The following DACH1 variants were observed in gnomAD, a reference collection of about 807,000 sequenced individuals.
The protein encoded by DACH1 is dachshund homolog 1.
In DACH1, 12 loss-of-function variants were observed where a neutral mutation model predicts 54.2. That is an observed-to-expected ratio of 0.22 (90% confidence interval 0.14 to 0.36). The LOEUF (loss-of-function observed/expected upper bound fraction) is 0.36. DACH1 is among the 10% of genes least tolerant of loss of function. The pLI is 1.00. For missense variants in DACH1, 805 were observed against 929.8 expected (o/e 0.87, Z 1.75); for synonymous variants, 386 against 366.2 (o/e 1.05, Z -0.62).
chr13:71,555,306 T>A (rs1371284314), intron 6 of DACH1, among the ~76,000 whole-genome samples: 2 of 152,046 alleles, frequency 1.3e-5, no homozygotes, highest in African/African-American at 2.4e-5. Context: ...GAGTCTTCGA[T>A]GAAACTTTAT....
chr13:71,749,529 T>C (rs1003054219), intron 1 of DACH1, among the ~76,000 whole-genome samples: 5 of 152,160 alleles, frequency 3.3e-5, no homozygotes, highest in African/African-American at 1.2e-4. Flanking sequence ...CTTAGCACAG[T>C]GCTTGGCACA....
In DACH1 at chr13:71,524,076, G is replaced by A. The variant is rs146661466; in HGVS notation, c.1570+32948C>T. ...CATTGCTTAAATTGCTGAATCACAA[G>A]TCTAATTGAACTAAAACCCTAAATT... is the stretch of plus-strand genomic sequence containing the variant. On this transcript the variant is annotated intron_variant, in intron 6 of 10. Coordinates refer to ENST00000613252, the MANE Select transcript of DACH1 (RefSeq NM_080759.6). Among the ~76,000 whole-genome samples the A allele has an allele frequency of 2.0e-4, 30 of 152,210 alleles. No individual in the cohort carries two copies. In the East Asian group the frequency reaches 5.6e-3, roughly 28 times the overall value.
At position 71,772,346 on chromosome 13, in the gene DACH1, T is replaced by G. The variant is rs190658607; in HGVS notation, c.849-90436A>C. 2.2e-3 allele frequency among the ~76,000 whole-genome samples: 332 copies of G among 151,878 alleles called. 4 individuals carry two copies. The highest frequency in any genetic ancestry group is 5.8e-3 in the East Asian group (30 of 5,178). Reference sequence around the variant, plus strand: ...GTATTTTGCACAATTTTTAAAAGTTTAACCTCTGTAGATCAATGTGCTTCC... The same window carrying G: ...GTATTTTGCACAATTTTTAAAAGTTGAACCTCTGTAGATCAATGTGCTTCC... On this transcript the variant is annotated intron_variant, in intron 1 of 10. Coordinates refer to ENST00000613252, the MANE Select transcript of DACH1 (RefSeq NM_080759.6).
chr13:71,854,941 G>GA (rs1299498211), intron 1 of DACH1, among the ~76,000 whole-genome samples: 1 of 152,022 alleles, frequency 6.6e-6, no homozygotes, highest in African/African-American at 2.4e-5. Context: ...AATTTACAGT[G>GA]AAAATAAGTG....
At chr13:71,765,985 C>G (rs1885608413) in intron 1 of DACH1, among the ~76,000 whole-genome samples, 1 of 150,742 alleles carries the variant, frequency 6.6e-6, no homozygotes, top group African/African-American at 2.4e-5. Context: ...CTCCCGGGTT[C>G]ACACCATTCT....
At chr13:71,555,491 G>A (rs1884184444) in intron 6 of DACH1, among the ~76,000 whole-genome samples, 3 of 151,540 alleles carry the variant, frequency 2.0e-5, no homozygotes, top group African/African-American at 4.9e-5. Context: ...CTACAGGTGC[G>A]CACCATCACG....
chr13:71,507,679 G>A (rs1000680446), intron 6 of DACH1, among the ~76,000 whole-genome samples: 2 of 152,150 alleles, frequency 1.3e-5, no homozygotes, highest in African/African-American at 4.8e-5. Flanking sequence ...TCCTTGGACT[G>A]ACTACCTGGA....
At chr13:71,710,011 C>A (rs1198781450) in intron 1 of DACH1, among the ~76,000 whole-genome samples, 3 of 151,974 alleles carry the variant, frequency 2.0e-5, no homozygotes, top group Non-Finnish European at 4.4e-5. Context: ...CCATGCCTGG[C>A]TAATTTTTGT....
At chr13:71,626,252 G>A (rs1392543639) in intron 3 of DACH1, among the ~76,000 whole-genome samples, 2 of 151,916 alleles carry the variant, frequency 1.3e-5, no homozygotes, top group African/African-American at 4.8e-5. Flanking sequence ...ATTAAGAGAT[G>A]CTCACTATGT....
chr13:71,713,416 CTT>C (rs1485051748), intron 1 of DACH1, among the ~76,000 whole-genome samples: 1 of 152,112 alleles, frequency 6.6e-6, no homozygotes, highest in Non-Finnish European at 1.5e-5. Context: ...TTATTGTTCT[CTT>C]ATAATTATAT....
rs192388277 is a variant in DACH1 at position 71,845,025 on chromosome 13, G to C, written c.848+20897C>G. ...ACACAAAATTACAGCTAAATAAGAG[G>C]AGTCAATTCTAGTGTTCTATAGCAC... is the stretch of plus-strand genomic sequence containing the variant. On this transcript the variant is annotated intron_variant, in intron 1 of 10. Transcript: ENST00000613252. Among the ~76,000 whole-genome samples, 30 of 152,138 alleles carry C rather than the reference G, an allele frequency of 2.0e-4. No homozygotes were observed. In the East Asian group the frequency reaches 3.1e-3, roughly 16 times the overall value.
At chr13:71,664,269 T>C (rs577547811) in intron 2 of DACH1, among the ~76,000 whole-genome samples, 1 of 152,106 alleles carries the variant, frequency 6.6e-6, no homozygotes, top group East Asian at 1.9e-4. Flanking sequence ...AATATTCAAA[T>C]CTCTCATTTG....
chr13:71,569,904 T>C (rs1885099024), intron 4 of DACH1, among the ~76,000 whole-genome samples: 1 of 152,186 alleles, frequency 6.6e-6, no homozygotes, highest in African/African-American at 2.4e-5. Context: ...TTCTATGACA[T>C]TTAACACGTC....
At chr13:71,803,989 G>A (rs1887388509) in intron 1 of DACH1, among the ~76,000 whole-genome samples, 1 of 152,104 alleles carries the variant, frequency 6.6e-6, no homozygotes, top group South Asian at 2.1e-4. Context: ...AGGTGTACAG[G>A]AGGAACAGAT....
At chr13:71,736,515 A>G (rs1402954296) in intron 1 of DACH1, among the ~76,000 whole-genome samples, 1 of 152,204 alleles carries the variant, frequency 6.6e-6, no homozygotes, top group East Asian at 1.9e-4. Context: ...AAAGTGTGTG[A>G]TTGCTGAAAG....
At chr13:71,680,952 C>T (rs1880859705) in intron 2 of DACH1, among the ~76,000 whole-genome samples, 1 of 151,966 alleles carries the variant, frequency 6.6e-6, no homozygotes, top group Non-Finnish European at 1.5e-5. Flanking sequence ...GATTACCTTT[C>T]TTGTATCAGC....
chr13:71,732,963 C>G (rs1051520670), intron 1 of DACH1, among the ~76,000 whole-genome samples: 5 of 152,118 alleles, frequency 3.3e-5, no homozygotes, highest in African/African-American at 9.7e-5. Flanking sequence ...TCCCCATGAT[C>G]TTTCCTATCT....
At chr13:71,496,773 A>G (rs1228276996) in intron 6 of DACH1, among the ~76,000 whole-genome samples, 1 of 152,214 alleles carries the variant, frequency 6.6e-6, no homozygotes, top group East Asian at 1.9e-4. Context: ...ATCTTCTCAG[A>G]AAATAAGGAA....
At chr13:71,555,132 G>T (rs776167422) in intron 6 of DACH1, among the ~76,000 whole-genome samples, 8 of 152,024 alleles carry the variant, frequency 5.3e-5, no homozygotes, top group Non-Finnish European at 1.2e-4. Context: ...TCCTTCTTAT[G>T]CATCCCAAGT....
Sources: gnomAD v4.1 joint callset for allele counts (sites outside exome capture counted in the v4.1 genomes callset) on GRCh38, gnomAD v4.1.1 for gene constraint, MANE v1.5 for transcripts, NCBI Gene and HGNC (gene_info 2026-07-23, HGNC 2026-07-21) for gene names.